Variants in GPR139 observed in about 807,000 individuals in gnomAD.
GPR139 encodes the protein probable G protein-coupled receptor 139.
A neutral mutation model predicts 25.8 loss-of-function variants in GPR139; 12 were observed. The observed-to-expected ratio is 0.47, with a 90% CI of 0.30 to 0.75. The LOEUF (loss-of-function observed/expected upper bound fraction) is 0.75, where lower values mean the gene tolerates loss of function less well. Among genes scored for constraint, GPR139 ranks in the 30% least tolerant of loss-of-function variants. The pLI is 0.07. For missense variants in GPR139, 380 were observed against 450.2 expected (o/e 0.84, Z 1.41); for synonymous variants, 184 against 179.9 (o/e 1.02, Z -0.18).
intron 1 of GPR139, among the ~76,000 whole-genome samples, chr16:20,047,370 T>C (rs1382053067): frequency 1.3e-5 from 2 of 152,176 alleles, no homozygotes; most frequent in African/African-American, 4.8e-5. Flanking sequence ...CCTCCCAAAG[T>C]GCTGAGATTA....
chr16:20,038,329 ATGTGTGTGTGTGTGTG>A (rs1555465698), intron 1 of GPR139, among the ~76,000 whole-genome samples: 1 of 95,950 alleles, frequency 1.0e-5, no homozygotes, highest in African/African-American at 3.3e-5. Flanking sequence ...TAATATATAT[ATGTGTGTGTGTGTGTG>A]TGTGTGTGTG....
rs1204050990 is a variant in GPR139 at position 20,030,211 on chromosome 16, C to G, written c.*1524G>C. 6.6e-6 allele frequency among the ~76,000 whole-genome samples: 1 copy of G among 152,122 alleles called. No homozygotes were observed. The highest frequency in any genetic ancestry group is 1.9e-4 in the East Asian group (1 of 5,184). On this transcript the variant is annotated 3_prime_UTR_variant, in exon 2 of 2. Coordinates refer to ENST00000570682, the MANE Select transcript of GPR139 (RefSeq NM_001002911.4). ...CCTTAAAAAAGATAGACATGTCTTC[C>G]AACTTAGGGACAAAATGCAGTAAAA...
chr16:20,052,718 A>AC (rs2057376733), intron 1 of GPR139, among the ~76,000 whole-genome samples: 1 of 151,032 alleles, frequency 6.6e-6, no homozygotes, highest in Non-Finnish European at 1.5e-5. Flanking sequence ...AATGGCGTGA[A>AC]CCGGGGAGGC....
At chr16:20,042,938 G>A (rs373298338) in intron 1 of GPR139, among the ~76,000 whole-genome samples, 3 of 152,174 alleles carry the variant, frequency 2.0e-5, no homozygotes, top group African/African-American at 4.8e-5. Flanking sequence ...GATTGGTAAT[G>A]TCTGCCAAGA....
chr16:20,032,883 A>G (rs1567234179), intron 1 of GPR139, among the ~76,000 whole-genome samples: 1 of 152,364 alleles, frequency 6.6e-6, no homozygotes, highest in East Asian at 1.9e-4. Flanking sequence ...CACAACCATG[A>G]GAGGTGGTGC....
At chr16:20,035,807 A>G (rs1413193092) in intron 1 of GPR139, among the ~76,000 whole-genome samples, 1 of 152,264 alleles carries the variant, frequency 6.6e-6, no homozygotes, top group African/African-American at 2.4e-5. Flanking sequence ...TTATTAAGAC[A>G]AAGAATACTT....
intron 1 of GPR139, among the ~76,000 whole-genome samples, chr16:20,052,689 CGGGAGGCT>C (rs1298169160): frequency 6.7e-6 from 1 of 149,528 alleles, no homozygotes; most frequent in Non-Finnish European, 1.5e-5. Context: ...CCCAGCCACT[CGGGAGGCT>C]GAGGCAGGAG....
At chr16:20,041,590 A>AGCTTTT (rs2057336519) in intron 1 of GPR139, among the ~76,000 whole-genome samples, 1 of 152,058 alleles carries the variant, frequency 6.6e-6, no homozygotes, top group African/African-American at 2.4e-5. Flanking sequence ...TGATGCTGAC[A>AGCTTTT]AGACTCAGTG....
intron 1 of GPR139, among the ~76,000 whole-genome samples, chr16:20,038,321 A>G (rs2057317709): frequency 1.9e-5 from 2 of 106,648 alleles, no homozygotes; most frequent in African/African-American, 7.0e-5. Context: ...TTCCTGGATA[A>G]TATATATATG....
chr16:20,068,191 T>C (rs1451872458), intron 1 of GPR139, among the ~76,000 whole-genome samples: 1 of 149,378 alleles, frequency 6.7e-6, no homozygotes, highest in Non-Finnish European at 1.5e-5. Flanking sequence ...TGCCTGTTTA[T>C]ATTTTTAGGC....
chr16:20,053,888 C>T (rs931961465), intron 1 of GPR139, among the ~76,000 whole-genome samples: 1 of 151,670 alleles, frequency 6.6e-6, no homozygotes, highest in Non-Finnish European at 1.5e-5. Context: ...AAAAATTTAG[C>T]CAATTTCCTG....
intron 1 of GPR139, among the ~76,000 whole-genome samples, chr16:20,044,550 AGTGAATG>A (rs2057347266): frequency 6.6e-6 from 1 of 152,114 alleles, no homozygotes; most frequent in African/African-American, 2.4e-5. Context: ...CTCCAGGGAG[AGTGAATG>A]GCAACGTGCA....
rs2057467375 is a variant in GPR139 at position 20,073,365 on chromosome 16, C to A, written c.127+125G>T. 1 of 1,382,938 alleles carries A rather than the reference C, an allele frequency of 7.2e-7. No individual in the cohort carries two copies. The highest frequency in any genetic ancestry group is 1.4e-5 in the African/African-American group (1 of 69,662). 85.7% of individuals were successfully genotyped at this position (1,382,938 alleles called of 1,614,324 possible). A position where few individuals can be genotyped will look rare whatever the true frequency, so the allele number is the denominator to read the frequency against. On this transcript the variant is annotated intron_variant, in intron 1 of 1. Coordinates refer to ENST00000570682, the MANE Select transcript of GPR139 (RefSeq NM_001002911.4). The surrounding 1 kb of genome is among the most constrained non-coding windows in gnomAD (Gnocchi z 4.7). The stretch of plus-strand genomic sequence containing the variant: ...CCCGTGTGGAAATATCCATAGTTGC[C>A]CTTAAAGCTTAAACTTTTTCCGAGG...
At chr16:20,050,368 C>G (rs142070519) in intron 1 of GPR139, among the ~76,000 whole-genome samples, 1 of 152,138 alleles carries the variant, frequency 6.6e-6, no homozygotes, top group African/African-American at 2.4e-5. Context: ...GGTCACAGAC[C>G]GACTGCTTGT....
At chr16:20,040,922 CCTT>C (rs2057327458) in intron 1 of GPR139, among the ~76,000 whole-genome samples, 2 of 151,818 alleles carry the variant, frequency 1.3e-5, no homozygotes, top group African/African-American at 4.8e-5. Context: ...CCTGGAGTCA[CCTT>C]CTACAAATCC....
At chr16:20,055,189 T>C (rs936704431) in intron 1 of GPR139, among the ~76,000 whole-genome samples, 1 of 152,246 alleles carries the variant, frequency 6.6e-6, no homozygotes, top group East Asian at 1.9e-4. Flanking sequence ...CTTAGAAGCA[T>C]GAACATGCAG....
At chr16:20,065,486 A>G (rs2057428935) in intron 1 of GPR139, among the ~76,000 whole-genome samples, 1 of 152,192 alleles carries the variant, frequency 6.6e-6, no homozygotes. Flanking sequence ...CTGCCCTGTC[A>G]TTTCTTCACT....
chr16:20,036,081 G>A (rs2057308946), intron 1 of GPR139, among the ~76,000 whole-genome samples: 1 of 152,200 alleles, frequency 6.6e-6, no homozygotes, highest in Non-Finnish European at 1.5e-5. Context: ...AAGTATTAAA[G>A]AGATAAATGA....
chr16:20,059,096 G>A (rs2057401548), intron 1 of GPR139, among the ~76,000 whole-genome samples: 1 of 152,110 alleles, frequency 6.6e-6, no homozygotes, highest in South Asian at 2.1e-4. Context: ...CTCCTATTGG[G>A]TGCCAGGCCC....
Sources: allele counts gnomAD v4.1 joint callset (sites outside exome capture counted in the v4.1 genomes callset), GRCh38; gene constraint gnomAD v4.1.1; non-coding constraint Gnocchi (gnomAD v3.1); transcripts MANE v1.5; gene names NCBI Gene and HGNC (gene_info 2026-07-23, HGNC 2026-07-21).